The following PTPRT variants were observed in gnomAD, a reference collection of about 807,000 sequenced individuals.
PTPRT encodes the protein protein tyrosine phosphatase receptor type T.
In PTPRT, 56 loss-of-function variants were observed where a neutral mutation model predicts 176.8. That is an observed-to-expected ratio of 0.32 (90% CI 0.26 to 0.40). PTPRT has a LOEUF of 0.40. Ranked by LOEUF, PTPRT falls within the 10% of genes least tolerant of loss-of-function variation. The probability of loss-of-function intolerance (pLI) is 1.00; values close to 1 mark genes in which losing one functional copy is unlikely to be tolerated. For missense variants in PTPRT, 1,540 were observed against 1,908.2 expected, an observed-to-expected ratio of 0.81 and a Z score of 3.60; for synonymous variants, 783 against 739.0, an observed-to-expected ratio of 1.06 and a Z score of -0.96.
chr20:42,258,011 G>A (rs971695307), intron 13 of PTPRT, among the ~76,000 whole-genome samples: 9 of 152,022 alleles, frequency 5.9e-5, no homozygotes, highest in African/African-American at 1.5e-4. Flanking sequence ...TTAACCTATC[G>A]TACTACTCTG....
chr20:43,029,498 T>A (rs777315189), intron 1 of PTPRT, among the ~76,000 whole-genome samples: 6 of 152,222 alleles, frequency 3.9e-5, no homozygotes, highest in Non-Finnish European at 8.8e-5. Flanking sequence ...TGGCCATGCA[T>A]CCTGCAAACT....
intron 7 of PTPRT, among the ~76,000 whole-genome samples, chr20:42,477,401 T>G (rs773845143): frequency 6.6e-6 from 1 of 152,046 alleles, no homozygotes; most frequent in Non-Finnish European, 1.5e-5. Flanking sequence ...ATATTTTTTT[T>G]GCATTCAAGC....
intron 7 of PTPRT, among the ~76,000 whole-genome samples, chr20:42,640,979 T>C (rs973381911): frequency 1.3e-5 from 2 of 152,180 alleles, no homozygotes; most frequent in Non-Finnish European, 2.9e-5. Context: ...CATTATATCA[T>C]AAGCATGTTT....
At chr20:42,143,527 A>G (rs894770975) in intron 17 of PTPRT, among the ~76,000 whole-genome samples, 1 of 150,070 alleles carries the variant, frequency 6.7e-6, no homozygotes, top group African/African-American at 2.5e-5. Flanking sequence ...ACTGCACTCC[A>G]GCCTGGGCGA....
intron 27 of PTPRT, among the ~76,000 whole-genome samples, chr20:42,095,396 A>G (rs1985097627): frequency 6.6e-6 from 1 of 152,072 alleles, no homozygotes; most frequent in African/African-American, 2.4e-5. Context: ...TGCTCTGCCC[A>G]TGGCCTCTGT....
chr20:42,974,619 A>G (rs183980046), intron 1 of PTPRT, among the ~76,000 whole-genome samples: 12 of 152,324 alleles, frequency 7.9e-5, no homozygotes, highest in Non-Finnish European at 1.5e-4. Flanking sequence ...ATGAGATCAT[A>G]TCTGCTAAAA....
chr20:42,316,094 G>A, intron 11 of PTPRT, 98 bp from the exon 12 acceptor site: 2 of 1,363,282 alleles, frequency 1.5e-6, no homozygotes, highest in Non-Finnish European at 2.0e-6. Flanking sequence ...CTATGTGGAA[G>A]CATTGGTTCG....
chr20:42,659,814 T>G (rs775262784), intron 7 of PTPRT, among the ~76,000 whole-genome samples: 5 of 152,082 alleles, frequency 3.3e-5, no homozygotes, highest in Non-Finnish European at 7.4e-5. Flanking sequence ...ATAAAAAAAA[T>G]TCAATTAATC....
At chr20:42,090,302 G>T (rs1013036369) in intron 27 of PTPRT, among the ~76,000 whole-genome samples, 1 of 151,502 alleles carries the variant, frequency 6.6e-6, no homozygotes, top group Non-Finnish European at 1.5e-5. Flanking sequence ...TCAAAGGACT[G>T]CCCGTGTGGA....
intron 1 of PTPRT, among the ~76,000 whole-genome samples, chr20:43,054,997 T>C (rs576738179): frequency 3.5e-4 from 53 of 152,182 alleles, no homozygotes; most frequent in Non-Finnish European, 5.7e-4. Context: ...AAATAATAAA[T>C]AGTGACATTT....
chr20:42,067,326 C>T, the PTPRT span, among the ~76,000 whole-genome samples: 38 of 152,128 alleles, frequency 2.5e-4, no homozygotes, highest in African/African-American at 8.9e-4. Flanking sequence ...CTGGAACGCA[C>T]GCCCCCATCT....
chr20:42,475,965 G>A (rs1339880300), intron 7 of PTPRT, among the ~76,000 whole-genome samples: 1 of 152,186 alleles, frequency 6.6e-6, no homozygotes, highest in Non-Finnish European at 1.5e-5. Context: ...CGGGTACAGT[G>A]CTGCTGACTA....
intron 1 of PTPRT, among the ~76,000 whole-genome samples, chr20:42,961,302 T>C (rs1335837930): frequency 6.6e-6 from 1 of 152,194 alleles, no homozygotes. Flanking sequence ...ATGGTGCCTG[T>C]TGGTGCTCCA....
intron 2 of PTPRT, among the ~76,000 whole-genome samples, chr20:42,857,790 T>C (rs548452513): frequency 6.6e-6 from 1 of 152,342 alleles, no homozygotes; most frequent in East Asian, 1.9e-4. Context: ...ACCTGTCGAA[T>C]CTTGTAGCCC....
At chr20:42,696,617 G>C (rs868208821) in intron 6 of PTPRT, among the ~76,000 whole-genome samples, 2 of 151,728 alleles carry the variant, frequency 1.3e-5, no homozygotes, top group Non-Finnish European at 2.9e-5. Context: ...TACCACACCC[G>C]GCTAATTTTT....
chr20:42,831,707 T>C (rs1419795593), intron 2 of PTPRT, among the ~76,000 whole-genome samples: 1 of 152,048 alleles, frequency 6.6e-6, no homozygotes. Flanking sequence ...CATTAGAAAG[T>C]GGGCAAAGGA....
intron 9 of PTPRT, among the ~76,000 whole-genome samples, chr20:42,420,523 A>T (rs558999321): frequency 6.6e-6 from 1 of 152,298 alleles, no homozygotes; most frequent in Admixed American, 6.5e-5. Context: ...TCCTTACGCC[A>T]GGCTAATCAC....
intron 1 of PTPRT, among the ~76,000 whole-genome samples, chr20:43,069,646 T>G (rs1237816258): frequency 6.6e-6 from 1 of 152,150 alleles, no homozygotes; most frequent in Non-Finnish European, 1.5e-5. Context: ...GGGCGTTGCT[T>G]GACAAGAAGC....
chr20:42,310,375 C>A (rs1029881751), intron 12 of PTPRT, among the ~76,000 whole-genome samples: 1 of 151,954 alleles, frequency 6.6e-6, no homozygotes, highest in African/African-American at 2.4e-5. Flanking sequence ...ACTTGAGTGG[C>A]CAGAGGAGGG....
Sources: allele counts gnomAD v4.1 joint callset (sites outside exome capture counted in the v4.1 genomes callset), GRCh38; gene constraint gnomAD v4.1.1; transcripts MANE v1.5; gene names NCBI Gene and HGNC (gene_info 2026-07-23, HGNC 2026-07-21).